The following SLCO4A1 variants were observed in gnomAD, a reference collection of about 807,000 sequenced individuals.
The protein encoded by SLCO4A1 is colon organic anion transporter.
In SLCO4A1, 51 loss-of-function variants were observed where a neutral mutation model predicts 64.6. The ratio of observed to expected loss-of-function variants is 0.79; its 90% CI spans 0.63 to 1.00. SLCO4A1 has a LOEUF of 1.00. SLCO4A1 is among the 50% of genes least tolerant of loss of function. SLCO4A1 has a pLI of 0.00. For synonymous variants in SLCO4A1, 471 were observed against 444.9 expected (o/e 1.06, Z -0.74); for missense variants, 919 against 980.5 (o/e 0.94, Z 0.84).
rs773538379 is a variant in SLCO4A1, at chr20:62,667,875, C to T, written c.1603C>T (p.Pro535Ser). ...MYFSLCHAGCPAATETNVDGQ... is the reference protein window; with the variant it reads ...MYFSLCHAGCSAATETNVDGQ... ...CTTCTCACTGTGCCACGCAGGGTGCCCTGCAGCCACGGAGACGAATGTGGA... is the reference window on the plus strand; with the variant it reads ...CTTCTCACTGTGCCACGCAGGGTGCTCTGCAGCCACGGAGACGAATGTGGA... The change falls in exon 8 of 12, where the codon CCT (proline) becomes TCT (serine). Residue 535 changes from proline to serine, a missense_variant. Physicochemically the swap from Pro to Ser is moderately conservative, Grantham distance 74. Coordinates refer to ENST00000217159, the MANE Select transcript of SLCO4A1 (RefSeq NM_016354.4). The T allele has an allele frequency of 1.2e-6, 2 of 1,613,872 alleles. No individual in the cohort carries two copies. Among genetic ancestry groups the T allele is most frequent in the African/African-American group, 1.3e-5 (1 of 75,064 alleles).
intron 1 of SLCO4A1, among the ~76,000 whole-genome samples, chr20:62,647,517 G>T (rs1239204053): frequency 6.6e-6 from 1 of 152,258 alleles, no homozygotes; most frequent in African/African-American, 2.4e-5. Flanking sequence ...GTGGAGGGGT[G>T]CTACCCACCC....
rs759846114 is a variant in SLCO4A1, at chr20:62,657,169, G to A, written c.715G>A (p.Val239Met). 1.3e-5 allele frequency: 21 copies of A among 1,556,578 alleles called. No individual in the cohort carries two copies. The highest frequency in any genetic ancestry group is 1.7e-5 in the Non-Finnish European group (20 of 1,151,094). ...CATGCTGGGCCAGTTCCTGCATGGC[G>A]TGGGTGCCACACCCCTCTACACGCT... ...VFMLGQFLHG[V>M]GATPLYTLGV... The change falls in exon 2 of 12, where the codon GTG becomes ATG. Residue 239 changes from valine (V) to methionine (M), a missense_variant. Transcript: ENST00000217159.
At chr20:62,656,254 A>C in intron 1 of SLCO4A1, 105 bp from the exon 2 acceptor site, 5 of 548,560 alleles carry the variant, frequency 9.1e-6, no homozygotes, top group East Asian at 3.0e-5. Flanking sequence ...CAAGGCAGGC[A>C]GAGCTTTGAG....
At chr20:62,656,270 C>T in intron 1 of SLCO4A1, 89 bp from the exon 2 acceptor site, 1 of 587,250 alleles carries the variant, frequency 1.7e-6, no homozygotes, top group Non-Finnish European at 2.9e-6. Flanking sequence ...TTGAGCCACC[C>T]CCGTGATGGG....
At position 62,668,917 on chromosome 20, in the gene SLCO4A1, C is replaced by T. The variant is rs759813287; in HGVS notation, c.1877-13C>T. On this transcript the variant is annotated splice_polypyrimidine_tract_variant and intron_variant, in intron 10 of 11. Coordinates refer to ENST00000217159, the MANE Select transcript of SLCO4A1 (RefSeq NM_016354.4). ...ACCAGGAGTGTGGGTGCTGAGTGGG[C>T]TTCTCTCCGCAGGGGGCATCCCGGG... The T allele has an allele frequency of 6.3e-7, 1 of 1,599,294 alleles. No individual in the cohort carries two copies. Among genetic ancestry groups the T allele is most frequent in the Non-Finnish European group, 8.5e-7 (1 of 1,178,740 alleles).
chr20:62,672,987 T>C (rs1470058304), downstream of SLCO4A1, among the ~76,000 whole-genome samples: 1 of 107,030 alleles, frequency 9.3e-6, no homozygotes, highest in East Asian at 2.8e-4. Context: ...TGCCAGGAGT[T>C]CTCAAAACCC....
intron 11 of SLCO4A1, among the ~76,000 whole-genome samples, chr20:62,670,694 C>T (rs1987092310): frequency 6.6e-6 from 1 of 152,244 alleles, no homozygotes; most frequent in Non-Finnish European, 1.5e-5. Context: ...GCTGAGAGCC[C>T]TCCACACGCA....
chr20:62,654,150 C>T (rs1210123088), intron 1 of SLCO4A1, among the ~76,000 whole-genome samples: 1 of 152,106 alleles, frequency 6.6e-6, no homozygotes, highest in Non-Finnish European at 1.5e-5. Context: ...CCCCCAGTGG[C>T]TCCCGGGGCT....
chr20:62,671,921 C>T lies in SLCO4A1; in HGVS notation c.*28C>T, dbSNP rs779386049. ...ACCGCCCGCGCCCACCCGGCCACGGCGGGCACTCAGCATTTCCTGATGACA... is the reference window on the plus strand; with the variant it reads ...ACCGCCCGCGCCCACCCGGCCACGGTGGGCACTCAGCATTTCCTGATGACA... On this transcript the variant is annotated 3_prime_UTR_variant, in exon 12 of 12. Coordinates refer to ENST00000217159, the MANE Select transcript of SLCO4A1 (RefSeq NM_016354.4). 10 of 1,606,326 alleles carry T rather than the reference C, an allele frequency of 6.2e-6. No individual in the cohort carries two copies. Among genetic ancestry groups the T allele is most frequent in the East Asian group, 4.5e-5 (2 of 44,880 alleles).
At chr20:62,689,340 T>TCCCCGG (rs1296192001), downstream of SLCO4A1, among the ~76,000 whole-genome samples, 4 of 151,990 alleles carry the variant, frequency 2.6e-5, no homozygotes, top group Non-Finnish European at 4.4e-5. Context: ...CGCAGGCCTG[T>TCCCCGG]CTCTTGGGCA....
chr20:62,683,531 T>A (rs1414751257), intron 2 of SLCO4A1, among the ~76,000 whole-genome samples: 1 of 152,168 alleles, frequency 6.6e-6, no homozygotes, highest in Non-Finnish European at 1.5e-5. Context: ...TTCAGGCCAG[T>A]GATGAACCTG....
chr20:62,663,205 G>A (rs1295444348), intron 5 of SLCO4A1: 1 of 152,212 alleles, frequency 6.6e-6, no homozygotes, highest in Non-Finnish European at 1.5e-5. Context: ...GGCACCTGTG[G>A]GCCTGTTGGG....
In SLCO4A1 at chr20:62,667,609, G is replaced by A. The variant is rs1466341452; in HGVS notation, c.1473-136G>A. On this transcript the variant is annotated intron_variant, in intron 7 of 11. Coordinates refer to ENST00000217159, the MANE Select transcript of SLCO4A1 (RefSeq NM_016354.4). Reference sequence around the variant, plus strand: ...AGTGTGAGTGCCCAGCGTGCTGGGGGCGGTGCAAGCTTGGCAAGTTTGTAG... The same window carrying A: ...AGTGTGAGTGCCCAGCGTGCTGGGGACGGTGCAAGCTTGGCAAGTTTGTAG... The A allele has an allele frequency of 9.1e-6, 9 of 987,028 alleles. No individual in the cohort carries two copies. In the South Asian group the frequency reaches 9.5e-5, roughly 10 times the overall value. The allele number at this position is 987,028 out of a possible 1,614,324, so 61.1% of individuals were successfully genotyped here. A position where few individuals can be genotyped will look rare whatever the true frequency, so the allele number is the denominator to read the frequency against.
At chr20:62,664,817 C>G (rs1289316361) in intron 5 of SLCO4A1, 117 bp from the exon 6 acceptor site, 5 of 1,179,778 alleles carry the variant, frequency 4.2e-6, no homozygotes, top group Admixed American at 6.1e-5. Context: ...CCCTCAGTCT[C>G]TTCTCCACAC....
At chr20:62,652,052 C>A (rs1233211842) in intron 1 of SLCO4A1, 1 of 144,660 alleles carries the variant, frequency 6.9e-6, no homozygotes, top group Non-Finnish European at 1.5e-5. Flanking sequence ...CCGCCCCACA[C>A]CCCCCACCCC....
In SLCO4A1 at chr20:62,657,026, A is replaced by T; in HGVS notation, c.572A>T (p.His191Leu). 6.3e-7 allele frequency: 1 copy of T among 1,588,188 alleles called. No individual in the cohort carries two copies. The highest frequency in any genetic ancestry group is 1.1e-5 in the South Asian group (1 of 89,902). ...GTGSLVFALP[H>L]FTAGRYEVEL... ...GGGTCGCTGGTGTTCGCGCTGCCCC[A>T]CTTCACGGCTGGCCGCTATGAGGTG... Residue 191 changes from histidine to leucine, a missense_variant, in exon 2 of 12, where the codon CAC (histidine) becomes CTC (leucine). Transcript: ENST00000217159.
intron 2 of SLCO4A1, among the ~76,000 whole-genome samples, chr20:62,683,245 A>T (rs1316771459): frequency 6.6e-6 from 1 of 151,992 alleles, no homozygotes; most frequent in Admixed American, 6.5e-5. Flanking sequence ...TAACTTGATC[A>T]TTTATTCCAA....
At position 62,656,377 on chromosome 20, in the gene SLCO4A1, A is replaced by C; in HGVS notation, c.-78A>C. On this transcript the variant is annotated 5_prime_UTR_variant, in exon 2 of 12. Coordinates refer to ENST00000217159, the MANE Select transcript of SLCO4A1 (RefSeq NM_016354.4). ...CTCACAGGACACACCAGCCCCTCGG[A>C]TACCACTTGGCCACTCCCGCTGAGG... 5.4e-6 allele frequency: 7 copies of C among 1,284,786 alleles called. No homozygotes were observed. Among genetic ancestry groups the C allele is most frequent in the Non-Finnish European group, 7.3e-6 (7 of 960,180 alleles). The allele number at this position is 1,284,786 out of a possible 1,614,324, so 79.6% of individuals were successfully genotyped here.
chr20:62,648,734 C>T (rs1981881163), intron 1 of SLCO4A1, among the ~76,000 whole-genome samples: 1 of 152,172 alleles, frequency 6.6e-6, no homozygotes, highest in Non-Finnish European at 1.5e-5. Context: ...GTCAGAGCCT[C>T]CTCCCTAAGC....
Sources: gnomAD v4.1 joint callset for allele counts (sites outside exome capture counted in the v4.1 genomes callset) on GRCh38, gnomAD v4.1.1 for gene constraint, MANE v1.5 for transcripts, NCBI Gene and HGNC (gene_info 2026-07-23, HGNC 2026-07-21) for gene names.